Variants in CARMIL2 observed in about 807,000 individuals in gnomAD.
CARMIL2 encodes capping protein, Arp2/3 and myosin-I linker protein 2.
Under a neutral mutation model 173.3 loss-of-function variants are expected in CARMIL2, and 96 were observed. The observed-to-expected ratio is 0.55, with a 90% CI of 0.47 to 0.66. The LOEUF (loss-of-function observed/expected upper bound fraction) is 0.66. Ranked by LOEUF, CARMIL2 falls within the 30% of genes least tolerant of loss-of-function variation. The probability of loss-of-function intolerance (pLI) is 0.00; values close to 1 mark genes in which losing one functional copy is unlikely to be tolerated. For missense variants in CARMIL2, 1,771 were observed against 1,906.7 expected (o/e 0.93, Z 1.33); for synonymous variants, 830 against 817.1 (o/e 1.02, Z -0.27).
At position 67,648,788 on chromosome 16, in the gene CARMIL2, G is replaced by A; in HGVS notation, c.1509+34G>A. 1 of 1,580,046 alleles carries A rather than the reference G, an allele frequency of 6.3e-7. No individual in the cohort carries two copies. Among genetic ancestry groups the A allele is most frequent in the Middle Eastern group, 1.7e-4 (1 of 6,028 alleles). The stretch of plus-strand genomic sequence containing the variant: ...CGGCCCCCAGAAGAGACCACACATT[G>A]GGAGAGGCGCTGGGAGGCGGAAGGG... On this transcript the variant is annotated intron_variant, in intron 16 of 37. Transcript: ENST00000334583. This position sits in a 1 kb window ranked among gnomAD's most constrained non-coding sequence, Gnocchi z 6.1.
At chr16:67,647,078 G>A in intron 8 of CARMIL2, 38 bp from the exon 9 acceptor site, 2 of 1,611,798 alleles carry the variant, frequency 1.2e-6, no homozygotes, top group Non-Finnish European at 1.7e-6. Context: ...CTGGCTGGAG[G>A]GCCCTGAGCT....
rs1009416677 is a variant in CARMIL2 at position 67,647,610 on chromosome 16, T to C, written c.871+8T>C. ...ACCTGCTGGATGACCGAGGTATGACTGAGCCTGGGGACCGCAGGGGTGGGC... is the reference window on the plus strand; with the variant it reads ...ACCTGCTGGATGACCGAGGTATGACCGAGCCTGGGGACCGCAGGGGTGGGC... On this transcript the variant is annotated splice_region_variant and intron_variant, in intron 11 of 37. Coordinates refer to ENST00000334583, the MANE Select transcript of CARMIL2 (RefSeq NM_001013838.3). 4 of 1,608,274 alleles carry C rather than the reference T, an allele frequency of 2.5e-6. No homozygotes were observed. The highest frequency in any genetic ancestry group is 2.7e-5 in the African/African-American group (2 of 74,788).
At position 67,657,059 on chromosome 16, in the gene CARMIL2, T is replaced by C; in HGVS notation, c.4117+178T>C. 2 of 753,602 alleles carry C rather than the reference T, an allele frequency of 2.7e-6. No homozygotes were observed. Among genetic ancestry groups the C allele is most frequent in the Non-Finnish European group, 2.2e-6 (1 of 457,390 alleles). 46.7% of individuals were successfully genotyped at this position (753,602 alleles called of 1,614,324 possible). The stretch of plus-strand genomic sequence containing the variant: ...GACAGCAAGCCCTTCCAACTAGCAC[T>C]GGCTCCACTTCCCGAAGAGCAGCCT... On this transcript the variant is annotated intron_variant, in intron 36 of 37. Transcript: ENST00000334583. The surrounding 1 kb of genome is among the most constrained non-coding windows in gnomAD (Gnocchi z 4.5).
At position 67,648,137 on chromosome 16, in the gene CARMIL2, G is replaced by A. The variant is rs1163407422; in HGVS notation, c.1157G>A (p.Gly386Glu). 1.2e-6 allele frequency: 2 copies of A among 1,612,834 alleles called. No individual in the cohort carries two copies. The highest frequency in any genetic ancestry group is 3.3e-5 in the Admixed American group (2 of 59,902). ...GTDTALDTVRGCSVGGWMTGR... is the reference protein window; with the variant it reads ...GTDTALDTVRECSVGGWMTGR... Reference sequence around the variant, plus strand: ...GACACTGCCCTGGACACTGTGAGGGGGTGCTCCGTGGGGGGATGGATGACC... The same window carrying A: ...GACACTGCCCTGGACACTGTGAGGGAGTGCTCCGTGGGGGGATGGATGACC... The change falls in exon 14 of 38, where the codon GGG (glycine) becomes GAG (glutamate). Residue 386 changes from glycine (G) to glutamate (E), a missense_variant. Gly to Glu is a moderately conservative substitution (Grantham distance 98, BLOSUM62 -2). Around this residue, in one of 3 missense-constraint regions of CARMIL2, gnomAD observed 944 missense variants for 975.6 expected, o/e 0.97. Transcript: ENST00000334583. The surrounding 1 kb of genome is among the most constrained non-coding windows in gnomAD (Gnocchi z 6.1).
chr16:67,646,441 G>A lies in CARMIL2; in HGVS notation c.390G>A (p.Arg130=). The change falls in exon 6 of 38, where the codon AGG becomes AGA. Residue 130 remains arginine, a synonymous_variant. Coordinates refer to ENST00000334583, the MANE Select transcript of CARMIL2 (RefSeq NM_001013838.3). This position sits in a 1 kb window ranked among gnomAD's most constrained non-coding sequence, Gnocchi z 4.6. ...PRSTLGKLFR[R]PTPASMLARL... ...CCCCTACCAGGAAGCTATTCCGGAG[G>A]CCCACACCAGCCTCCATGCTGGCTC... is the stretch of plus-strand genomic sequence containing the variant. 1 of 1,613,664 alleles carries A rather than the reference G, an allele frequency of 6.2e-7. No individual in the cohort carries two copies. Among genetic ancestry groups the A allele is most frequent in the Non-Finnish European group, 8.5e-7 (1 of 1,179,842 alleles).
At position 67,645,267 on chromosome 16, in the gene CARMIL2, C is replaced by T; in HGVS notation, c.21C>T (p.Gly7=). ...GGCCCATGGCCCAGACCCCCGACGG[C>T]ATCTCCTGTGAGCTCCGAGGTAAGC... MAQTPD[G]ISCELRGEIT... Residue 7 remains glycine, a synonymous_variant, in exon 1 of 38, where the codon GGC becomes GGT. Transcript: ENST00000334583. 1 of 1,603,512 alleles carries T rather than the reference C, an allele frequency of 6.2e-7. No homozygotes were observed. The highest frequency in any genetic ancestry group is 8.5e-7 in the Non-Finnish European group (1 of 1,175,776).
chr16:67,647,140 C>A lies in CARMIL2; in HGVS notation c.636C>A (p.Ala212=), dbSNP rs2052608526. 4 of 1,613,838 alleles carry A rather than the reference C, an allele frequency of 2.5e-6. No homozygotes were observed. The highest frequency in any genetic ancestry group is 1.6e-4 in the Middle Eastern group (1 of 6,062). Residue 212 remains alanine, a synonymous_variant, in exon 9 of 38, where the codon GCC becomes GCA. Coordinates refer to ENST00000334583, the MANE Select transcript of CARMIL2 (RefSeq NM_001013838.3). ...GGGACCTGGCCTTGAGTGTGGCTGC[C>A]CTGTCCTACAACCTGTGGTTCCGGT... is the stretch of plus-strand genomic sequence containing the variant. ...GSRDLALSVA[A]LSYNLWFRCL...
In CARMIL2 at chr16:67,646,097, C is replaced by T. The variant is rs2052588126; in HGVS notation, c.249+17C>T. 5 of 1,613,814 alleles carry T rather than the reference C, an allele frequency of 3.1e-6. No individual in the cohort carries two copies. In the South Asian group the frequency reaches 4.4e-5, roughly 14 times the overall value. ...CCCCCTCAGGTGAGACACCTAGTACCCTACCTGGGCCTGCAGCCTGGTCTT... is the reference window on the plus strand; with the variant it reads ...CCCCCTCAGGTGAGACACCTAGTACTCTACCTGGGCCTGCAGCCTGGTCTT... On this transcript the variant is annotated intron_variant, in intron 4 of 37. Transcript: ENST00000334583. This position sits in a 1 kb window ranked among gnomAD's most constrained non-coding sequence, Gnocchi z 4.6.
chr16:67,647,535 G>A lies in CARMIL2; in HGVS notation c.804G>A (p.Ala268=), dbSNP rs752822646. 17 of 1,609,104 alleles carry A rather than the reference G, an allele frequency of 1.1e-5. No homozygotes were observed. Among genetic ancestry groups the A allele is most frequent in the Middle Eastern group, 1.6e-4 (1 of 6,070 alleles). Residue 268 remains alanine (A), a synonymous_variant, in exon 11 of 38, where the codon GCG becomes GCA. Transcript: ENST00000334583. ...ACTTTGTCCGACGACTGGCCCAGGC[G>A]CTGGCGGGACACTCAAGCTCTGGGC... ...RGDFVRRLAQ[A]LAGHSSSGLR...
In CARMIL2 at chr16:67,651,363, G is replaced by T. The variant is rs756196006; in HGVS notation, c.2314-38G>T. 6.2e-7 allele frequency: 1 copy of T among 1,604,060 alleles called. No homozygotes were observed. Among genetic ancestry groups the T allele is most frequent in the South Asian group, 1.1e-5 (1 of 90,618 alleles). Reference sequence around the variant, plus strand: ...CAAGGACCCTTCCCCTCTTAGTCAGGTGTCAGCTCGCAACTGCTTTTCCTC... The same window carrying T: ...CAAGGACCCTTCCCCTCTTAGTCAGTTGTCAGCTCGCAACTGCTTTTCCTC... On this transcript the variant is annotated intron_variant, in intron 23 of 37. Coordinates refer to ENST00000334583, the MANE Select transcript of CARMIL2 (RefSeq NM_001013838.3). The surrounding 1 kb of genome is among the most constrained non-coding windows in gnomAD (Gnocchi z 4.2).
chr16:67,650,016 C>A, intron 21 of CARMIL2, 33 bp from the exon 22 acceptor site: 1 of 1,613,546 alleles, frequency 6.2e-7, no homozygotes, highest in East Asian at 2.2e-5. Flanking sequence ...GTAACTCCGT[C>A]CCTCGGCATT....
chr16:67,649,877 A>C lies in CARMIL2; in HGVS notation c.1991A>C (p.Asn664Thr). 6.2e-7 allele frequency: 1 copy of C among 1,612,792 alleles called. No homozygotes were observed. Among genetic ancestry groups the C allele is most frequent in the Non-Finnish European group, 8.5e-7 (1 of 1,179,800 alleles). Reference protein sequence around the residue: ...LLDVAQALEQNHSLKAMPLPL... With the variant: ...LLDVAQALEQTHSLKAMPLPL... ...GACGTGGCGCAGGCGCTGGAGCAGA[A>C]CCACAGCCTGAAGGCCATGCCTCTG... is the stretch of plus-strand genomic sequence containing the variant. The change falls in exon 21 of 38, where the codon AAC (asparagine) becomes ACC (threonine). Residue 664 changes from asparagine to threonine, a missense_variant. By Grantham distance (65) the Asn-to-Thr change is moderately conservative (BLOSUM62 0). Coordinates refer to ENST00000334583, the MANE Select transcript of CARMIL2 (RefSeq NM_001013838.3). The surrounding 1 kb of genome is among the most constrained non-coding windows in gnomAD (Gnocchi z 6.7).
chr16:67,656,618 G>T lies in CARMIL2; in HGVS notation c.4009G>T (p.Asp1337Tyr). ...CCCAGACAGCCTGGGCCTCCCAGAG[G>T]ACCCTTGCTTGGGCCCCAGAAATGA... The part of the protein sequence containing the change: ...PSPDSLGLPE[D>Y]PCLGPRNEDG... The change falls in exon 35 of 38, where the codon GAC becomes TAC. Residue 1337 changes from aspartate (D) to tyrosine (Y), a missense_variant. By Grantham distance (160) the Asp-to-Tyr change is radical. Transcript: ENST00000334583. 1 of 1,601,340 alleles carries T rather than the reference G, an allele frequency of 6.2e-7. No homozygotes were observed. Among genetic ancestry groups the T allele is most frequent in the Non-Finnish European group, 8.5e-7 (1 of 1,174,188 alleles).
Position 67,653,111 on chromosome 16 carries a change from A to G in CARMIL2, c.2977A>G (p.Ser993Gly), listed in dbSNP as rs932810241. 4 of 1,150,104 alleles carry G rather than the reference A, an allele frequency of 3.5e-6. No individual in the cohort carries two copies. The highest frequency in any genetic ancestry group is 3.2e-6 in the Non-Finnish European group (3 of 932,560). 71.2% of individuals were successfully genotyped at this position (1,150,104 alleles called of 1,614,324 possible). Residue 993 changes from serine to glycine, a missense_variant, in exon 29 of 38, where the codon AGC becomes GGC. Coordinates refer to ENST00000334583, the MANE Select transcript of CARMIL2 (RefSeq NM_001013838.3). This position sits in a 1 kb window ranked among gnomAD's most constrained non-coding sequence, Gnocchi z 7.4. ...GGGGCCGTCCGCGCGCGGCTCTCCG[A>G]GCCCTGCCGCCCCTGGGCCCCCGGC... is the stretch of plus-strand genomic sequence containing the variant. ...QAGPSARGSP[S>G]PAAPGPPAGP...
intron 36 of CARMIL2, 82 bp downstream of exon 36, chr16:67,656,963 T>A: frequency 8.6e-7 from 1 of 1,169,536 alleles, no homozygotes; most frequent in Non-Finnish European, 1.2e-6. Context: ...ATAGCTTTGG[T>A]CCTTGGAGGG....
At chr16:67,656,934 G>A in intron 36 of CARMIL2, 53 bp downstream of exon 36, 1 of 1,369,680 alleles carries the variant, frequency 7.3e-7, no homozygotes, top group South Asian at 1.3e-5. Flanking sequence ...TGGGAGGGTG[G>A]GCTTCTGGGG....
In CARMIL2 at chr16:67,656,051, G is replaced by A; in HGVS notation, c.3726G>A (p.Lys1242=). 1 of 1,602,358 alleles carries A rather than the reference G, an allele frequency of 6.2e-7. No individual in the cohort carries two copies. The highest frequency in any genetic ancestry group is 2.3e-5 in the East Asian group (1 of 44,424). ...KRKQSKDGEI[K]KAGSDGDIMD... ...TGCAGAGCAAAGATGGCGAGATCAA[G>A]AAAGCTGGCTCAGATGGTAAGTGGG... is the stretch of plus-strand genomic sequence containing the variant. The change falls in exon 33 of 38, where the codon AAG becomes AAA. Residue 1242 remains lysine (K), a synonymous_variant. Coordinates refer to ENST00000334583, the MANE Select transcript of CARMIL2 (RefSeq NM_001013838.3).
chr16:67,648,230 C>A lies in CARMIL2; in HGVS notation c.1250C>A (p.Pro417His). ...CCCGCGGGTGTAGCCAACAGCCTCC[C>A]CCCGCAGCTCTTCGCAGCGGTATCC... ...GPPAGVANSL[P>H]PQLFAAVSRG... Residue 417 changes from proline (P) to histidine (H), a missense_variant, in exon 14 of 38, where the codon CCC (proline) becomes CAC (histidine). Transcript: ENST00000334583. This position sits in a 1 kb window ranked among gnomAD's most constrained non-coding sequence, Gnocchi z 6.1. 6.2e-7 allele frequency: 1 copy of A among 1,603,446 alleles called. No individual in the cohort carries two copies. Among genetic ancestry groups the A allele is most frequent in the South Asian group, 1.1e-5 (1 of 89,826 alleles).
At position 67,654,686 on chromosome 16, in the gene CARMIL2, C is replaced by A; in HGVS notation, c.3576C>A (p.Pro1192=). The A allele has an allele frequency of 6.3e-7, 1 of 1,592,440 alleles. No homozygotes were observed. The highest frequency in any genetic ancestry group is 1.1e-5 in the South Asian group (1 of 88,152). Residue 1192 remains proline (P), a synonymous_variant, in exon 31 of 38, where the codon CCC becomes CCA. Transcript: ENST00000334583. The part of the protein sequence containing the change: ...AEEEATLGAR[P]DKRRPLERGE... ...AGGAGGCAACGCTGGGTGCCAGACC[C>A]GACAAGGTGAGGCTTGCTGATGGGG...
Sources: allele counts gnomAD v4.1 joint callset, GRCh38; gene constraint gnomAD v4.1.1; regional missense constraint gnomAD v4.1.1; non-coding constraint Gnocchi (gnomAD v3.1); transcripts MANE v1.5; gene names NCBI Gene and HGNC (gene_info 2026-07-23, HGNC 2026-07-21).